Variants in ADM5 observed in about 807,000 individuals in gnomAD.
The protein encoded by ADM5 is adrenomedullin 5 (putative), also known as putative adrenomedullin-5-like protein.
ADM5 carries 1 observed loss-of-function variant against 2.9 expected under a neutral mutation model. That is an observed-to-expected ratio of 0.35 (90% CI 0.12 to 1.65). The LOEUF (loss-of-function observed/expected upper bound fraction) is 1.65. Among genes scored for constraint, ADM5 ranks in the 40% most tolerant of loss-of-function variants. The pLI is 0.36. For missense variants in ADM5, 192 were observed against 205.2 expected (o/e 0.94, Z 0.39); for synonymous variants, 90 against 91.1 (o/e 0.99, Z 0.07).
chr19:49,689,690 T>C lies in ADM5; in HGVS notation c.-148T>C. 2 of 996,086 alleles carry C rather than the reference T, an allele frequency of 2.0e-6. No individual in the cohort carries two copies. Among genetic ancestry groups the C allele is most frequent in the South Asian group, 2.9e-5 (2 of 68,740 alleles). 61.7% of individuals were successfully genotyped at this position (996,086 alleles called of 1,614,324 possible). A position where few individuals can be genotyped will look rare whatever the true frequency, so the allele number is the denominator to read the frequency against. Reference sequence around the variant, plus strand: ...TGTGGTGCGGCCTCTTCCCACAGACTTTTGGCCTCAGTGTTCCCCGCCTGG... The same window carrying C: ...TGTGGTGCGGCCTCTTCCCACAGACCTTTGGCCTCAGTGTTCCCCGCCTGG... On this transcript the variant is annotated 5_prime_UTR_variant, in exon 1 of 2. Coordinates refer to ENST00000420022, the MANE Select transcript of ADM5 (RefSeq NM_001101340.2).
chr19:49,690,166 G>T lies in ADM5; in HGVS notation c.135G>T (p.Arg45=). The part of the protein sequence containing the change: ...RGHVCYLGVC[R]THRLAEIIYW... ...ACGTCTGCTACCTGGGCGTATGCCG[G>T]ACCCACCGCCTGGCGGAGATCATAT... The change falls in exon 2 of 2, where the codon CGG becomes CGT. Residue 45 remains arginine, a synonymous_variant. Coordinates refer to ENST00000420022, the MANE Select transcript of ADM5 (RefSeq NM_001101340.2). This position sits in a 1 kb window ranked among gnomAD's most constrained non-coding sequence, Gnocchi z 4.4. 1 of 1,569,540 alleles carries T rather than the reference G, an allele frequency of 6.4e-7. No homozygotes were observed. The highest frequency in any genetic ancestry group is 8.6e-7 in the Non-Finnish European group (1 of 1,158,142).
In ADM5 at chr19:49,690,268, G is replaced by A. The variant is rs751187624; in HGVS notation, c.237G>A (p.Ala79=). 1.9e-6 allele frequency: 3 copies of A among 1,551,576 alleles called. No individual in the cohort carries two copies. Among genetic ancestry groups the A allele is most frequent in the South Asian group, 1.2e-5 (1 of 84,066 alleles). ...PRAPGPLQLW[A]PPVARGGSPA... ...CCCCAGGACCCCTACAGCTATGGGC[G>A]CCGCCGGTGGCGCGAGGCGGAAGCC... Residue 79 remains alanine, a synonymous_variant, in exon 2 of 2, where the codon GCG becomes GCA. Transcript: ENST00000420022. This position sits in a 1 kb window ranked among gnomAD's most constrained non-coding sequence, Gnocchi z 4.4.
rs1599958308 is a variant in ADM5 at position 49,689,983 on chromosome 19, G to T, written c.74+72G>T. 3.1e-6 allele frequency: 5 copies of T among 1,610,590 alleles called. No individual in the cohort carries two copies. In the East Asian group the frequency reaches 1.1e-4, roughly 36 times the overall value. On this transcript the variant is annotated intron_variant, in intron 1 of 1. Coordinates refer to ENST00000420022, the MANE Select transcript of ADM5 (RefSeq NM_001101340.2). ...AAAGGGCGAGCGCCCTCTCCCGGCC[G>T]CGGAACGGGCAGGTGATCTGTAAGC...
At position 49,689,683 on chromosome 19, in the gene ADM5, C is replaced by A; in HGVS notation, c.-155C>A. ...CCTCTGGTGTGGTGCGGCCTCTTCCCACAGACTTTTGGCCTCAGTGTTCCC... is the reference window on the plus strand; with the variant it reads ...CCTCTGGTGTGGTGCGGCCTCTTCCAACAGACTTTTGGCCTCAGTGTTCCC... On this transcript the variant is annotated 5_prime_UTR_variant, in exon 1 of 2. Coordinates refer to ENST00000420022, the MANE Select transcript of ADM5 (RefSeq NM_001101340.2). 1.1e-6 allele frequency: 1 copy of A among 936,780 alleles called. No individual in the cohort carries two copies. The highest frequency in any genetic ancestry group is 1.6e-6 in the Non-Finnish European group (1 of 610,676). 58.0% of individuals were successfully genotyped at this position (936,780 alleles called of 1,614,324 possible). A position where few individuals can be genotyped will look rare whatever the true frequency, so the allele number is the denominator to read the frequency against.
In ADM5 at chr19:49,690,514, G is replaced by A. The variant is rs74499447; in HGVS notation, c.*21G>A. On this transcript the variant is annotated 3_prime_UTR_variant, in exon 2 of 2. Transcript: ENST00000420022. The surrounding 1 kb of genome is among the most constrained non-coding windows in gnomAD (Gnocchi z 4.4). ...ACTAGGTTGGACCTAGAAGCACACG[G>A]GACCAGGCTGGGCGAAGAACACTGA... 8.4e-5 allele frequency: 123 copies of A among 1,466,238 alleles called. No individual in the cohort carries two copies. The East Asian group carries it at 3.0e-3, about 36-fold the overall frequency. The allele number at this position is 1,466,238 out of a possible 1,614,324, so 90.8% of individuals were successfully genotyped here.
rs781318186 is a variant in ADM5, at chr19:49,689,849, C to A, written c.12C>A (p.His4Gln). ...CCGCCCTGCCCACGATGACTATCCA[C>A]ATCCTCATCCTGCTGTTGCTCCTCG... MTI[H>Q]ILILLLLLAF... The change falls in exon 1 of 2, where the codon CAC (histidine) becomes CAA (glutamine). Residue 4 changes from histidine (H) to glutamine (Q), a missense_variant. Physicochemically the swap from His to Gln is conservative, Grantham distance 24. Coordinates refer to ENST00000420022, the MANE Select transcript of ADM5 (RefSeq NM_001101340.2). The A allele has an allele frequency of 6.2e-7, 1 of 1,613,998 alleles. No homozygotes were observed. The highest frequency in any genetic ancestry group is 8.5e-7 in the Non-Finnish European group (1 of 1,179,880).
In ADM5 at chr19:49,690,468, C is replaced by G. The variant is rs1347062375; in HGVS notation, c.437C>G (p.Pro146Arg). The G allele has an allele frequency of 6.6e-7, 1 of 1,523,980 alleles. No individual in the cohort carries two copies. Among genetic ancestry groups the G allele is most frequent in the East Asian group, 2.5e-5 (1 of 40,416 alleles). The allele number at this position is 1,523,980 out of a possible 1,614,324, so 94.4% of individuals were successfully genotyped here. The change falls in exon 2 of 2, where the codon CCC (proline) becomes CGC (arginine). Residue 146 changes from proline (P) to arginine (R), a missense_variant. Coordinates refer to ENST00000420022, the MANE Select transcript of ADM5 (RefSeq NM_001101340.2). The surrounding 1 kb of genome is among the most constrained non-coding windows in gnomAD (Gnocchi z 4.4). ...ACTCCAGCCCCTGAAACCGTCTTCC[C>G]CAGTCCCTCCCCGGGCTGCGACTAG... ...PLTPAPETVFPSPSPGCD is the reference protein window; with the variant it reads ...PLTPAPETVFRSPSPGCD
At position 49,690,482 on chromosome 19, in the gene ADM5, G is replaced by C. The variant is rs2082309333; in HGVS notation, c.451G>C (p.Gly151Arg). Residue 151 changes from glycine to arginine, a missense_variant, in exon 2 of 2, where the codon GGC (glycine) becomes CGC (arginine). Transcript: ENST00000420022. The surrounding 1 kb of genome is among the most constrained non-coding windows in gnomAD (Gnocchi z 4.4). ...PETVFPSPSP[G>R]CD ...AACCGTCTTCCCCAGTCCCTCCCCG[G>C]GCTGCGACTAGGTTGGACCTAGAAG... is the stretch of plus-strand genomic sequence containing the variant. 1.3e-6 allele frequency: 2 copies of C among 1,511,384 alleles called. No homozygotes were observed. Among genetic ancestry groups the C allele is most frequent in the African/African-American group, 1.4e-5 (1 of 72,178 alleles). The allele number at this position is 1,511,384 out of a possible 1,614,324, so 93.6% of individuals were successfully genotyped here.
At position 49,690,350 on chromosome 19, in the gene ADM5, C is replaced by T. The variant is rs201965670; in HGVS notation, c.319C>T (p.Arg107Cys). 3.1e-4 allele frequency: 484 copies of T among 1,551,566 alleles called. 1 individual carries two copies. The African/African-American group carries it at 5.8e-3, about 19-fold the overall frequency. Residue 107 changes from arginine (R) to cysteine (C), a missense_variant, in exon 2 of 2, where the codon CGC becomes TGC. Arg to Cys is a radical substitution (Grantham distance 180, BLOSUM62 -3). Transcript: ENST00000420022. This position sits in a 1 kb window ranked among gnomAD's most constrained non-coding sequence, Gnocchi z 4.4. ...AARGLAQCPA[R>C]WVTSGTARPL... ...GAGGGGGCTAGCGCAGTGCCCAGCTCGCTGGGTGACCTCGGGCACGGCTCG... is the reference window on the plus strand; with the variant it reads ...GAGGGGGCTAGCGCAGTGCCCAGCTTGCTGGGTGACCTCGGGCACGGCTCG...
In ADM5 at chr19:49,690,153, T is replaced by G. The variant is rs1284997402; in HGVS notation, c.122T>G (p.Leu41Arg). The G allele has an allele frequency of 2.5e-6, 4 of 1,569,884 alleles. No homozygotes were observed. Among genetic ancestry groups the G allele is most frequent in the Non-Finnish European group, 3.5e-6 (4 of 1,158,358 alleles). ...VPQHRGHVCY[L>R]GVCRTHRLAE... Reference sequence around the variant, plus strand: ...CAGCACCGCGGGCACGTCTGCTACCTGGGCGTATGCCGGACCCACCGCCTG... The same window carrying G: ...CAGCACCGCGGGCACGTCTGCTACCGGGGCGTATGCCGGACCCACCGCCTG... Residue 41 changes from leucine to arginine, a missense_variant, in exon 2 of 2, where the codon CTG (leucine) becomes CGG (arginine). Coordinates refer to ENST00000420022, the MANE Select transcript of ADM5 (RefSeq NM_001101340.2). The surrounding 1 kb of genome is among the most constrained non-coding windows in gnomAD (Gnocchi z 4.4).
At position 49,690,318 on chromosome 19, in the gene ADM5, C is replaced by T; in HGVS notation, c.287C>T (p.Pro96Leu). 6.4e-7 allele frequency: 1 copy of T among 1,551,344 alleles called. No individual in the cohort carries two copies. The highest frequency in any genetic ancestry group is 1.2e-5 in the South Asian group (1 of 84,028). Residue 96 changes from proline to leucine, a missense_variant, in exon 2 of 2, where the codon CCT becomes CTT. Pro to Leu is a moderately conservative substitution (Grantham distance 98, BLOSUM62 -3). Coordinates refer to ENST00000420022, the MANE Select transcript of ADM5 (RefSeq NM_001101340.2). The surrounding 1 kb of genome is among the most constrained non-coding windows in gnomAD (Gnocchi z 4.4). ...CCGGCTCGGTTCCCAGGATTCCGGC[C>T]TGCAGCGAGGGGGCTAGCGCAGTGC... ...GSPARFPGFR[P>L]AARGLAQCPA...
chr19:49,689,906 A>G lies in ADM5; in HGVS notation c.69A>G (p.Ala23=), dbSNP rs201107314. The change falls in exon 1 of 2, where the codon GCA becomes GCG. Residue 23 remains alanine, a synonymous_variant. Coordinates refer to ENST00000420022, the MANE Select transcript of ADM5 (RefSeq NM_001101340.2). ...CCGCCCAAGGGGACCTGGACACTGCAGCCAGGTGAGAAACCCGGGTGGCAG... is the reference window on the plus strand; with the variant it reads ...CCGCCCAAGGGGACCTGGACACTGCGGCCAGGTGAGAAACCCGGGTGGCAG... ...AFSAQGDLDT[A]ARRGQHQVPQ... is the part of the protein sequence containing the mutation. 0.011 allele frequency: 17,269 copies of G among 1,613,952 alleles called. 177 individuals are homozygous for G. The highest frequency in any genetic ancestry group is 0.04 in the South Asian group (3,600 of 91,086).
chr19:49,690,403 C>G lies in ADM5; in HGVS notation c.372C>G (p.Ile124Met), dbSNP rs942692528. 2.6e-6 allele frequency: 4 copies of G among 1,551,532 alleles called. No individual in the cohort carries two copies. Among genetic ancestry groups the G allele is most frequent in the Non-Finnish European group, 3.5e-6 (4 of 1,146,882 alleles). The part of the protein sequence containing the change: ...ARPLLGFSLP[I>M]CMLELLLHIS... ...CCCTCCTCGGCTTCAGTTTGCCTAT[C>G]TGTATGTTGGAGCTTCTACTCCACA... Residue 124 changes from isoleucine (I) to methionine (M), a missense_variant, in exon 2 of 2, where the codon ATC becomes ATG. Physicochemically the swap from Ile to Met is conservative, Grantham distance 10. Transcript: ENST00000420022. The surrounding 1 kb of genome is among the most constrained non-coding windows in gnomAD (Gnocchi z 4.4).
chr19:49,690,057 ATC>A lies in ADM5; in HGVS notation c.75-44_75-43del, dbSNP rs2082295165. 1.9e-6 allele frequency: 3 copies of A among 1,557,834 alleles called. No homozygotes were observed. Among genetic ancestry groups the A allele is most frequent in the Non-Finnish European group, 2.6e-6 (3 of 1,149,664 alleles). ...TGGGTGCCCACCTCCATCACGCTCC[ATC>A]TCTCAATTCGGTTTGAACCCGGTTT... is the stretch of plus-strand genomic sequence containing the variant. On this transcript the variant is annotated intron_variant, in intron 1 of 1. Coordinates refer to ENST00000420022, the MANE Select transcript of ADM5 (RefSeq NM_001101340.2). This position sits in a 1 kb window ranked among gnomAD's most constrained non-coding sequence, Gnocchi z 4.4.
In ADM5 at chr19:49,690,107, C is replaced by T. The variant is rs76092430; in HGVS notation, c.76C>T (p.Arg26Ter). Reference sequence around the variant, plus strand: ...TTTTCTCCCACGCTCCCTCTCCAGGCGAGGCCAGCACCAGGTCCCCCAGCA... The same window carrying T: ...TTTTCTCCCACGCTCCCTCTCCAGGTGAGGCCAGCACCAGGTCCCCCAGCA... ...AQGDLDTAARRGQHQVPQHRG... is the reference protein window; with the variant it reads ...AQGDLDTAAR Residue 26 changes from arginine to a stop codon, truncating the protein, a stop_gained and splice_region_variant, in exon 2 of 2, where the codon CGA becomes TGA. Transcript: ENST00000420022. LOFTEE classifies it low-confidence loss of function (END_TRUNC). This position sits in a 1 kb window ranked among gnomAD's most constrained non-coding sequence, Gnocchi z 4.4. 1 of 1,554,892 alleles carries T rather than the reference C, an allele frequency of 6.4e-7. No individual in the cohort carries two copies. The highest frequency in any genetic ancestry group is 8.7e-7 in the Non-Finnish European group (1 of 1,148,858).
Position 49,689,852 on chromosome 19 carries a change from C to T in ADM5, c.15C>T (p.Ile5=). The change falls in exon 1 of 2, where the codon ATC becomes ATT. Residue 5 remains isoleucine (I), a synonymous_variant. Transcript: ENST00000420022. ...CCCTGCCCACGATGACTATCCACAT[C>T]CTCATCCTGCTGTTGCTCCTCGCCT... MTIH[I]LILLLLLAFS... The T allele has an allele frequency of 1.2e-6, 2 of 1,613,974 alleles. No homozygotes were observed. Among genetic ancestry groups the T allele is most frequent in the Non-Finnish European group, 8.5e-7 (1 of 1,179,880 alleles).
chr19:49,690,113 C>T lies in ADM5; in HGVS notation c.82C>T (p.Gln28Ter). 1 of 1,558,040 alleles carries T rather than the reference C, an allele frequency of 6.4e-7. No homozygotes were observed. The highest frequency in any genetic ancestry group is 8.7e-7 in the Non-Finnish European group (1 of 1,150,686). Residue 28 changes from glutamine (Q) to a stop codon, truncating the protein, a stop_gained, in exon 2 of 2, where the codon CAG becomes TAG. Transcript: ENST00000420022. LOFTEE classifies it low-confidence loss of function (END_TRUNC). This position sits in a 1 kb window ranked among gnomAD's most constrained non-coding sequence, Gnocchi z 4.4. Reference protein sequence around the residue: ...GDLDTAARRGQHQVPQHRGHV... With the variant: ...GDLDTAARRG ...CCCACGCTCCCTCTCCAGGCGAGGC[C>T]AGCACCAGGTCCCCCAGCACCGCGG...
Position 49,690,366 on chromosome 19 carries a change from G to GC in ADM5, c.336dup (p.Thr113HisfsTer30). On this transcript the variant is annotated frameshift_variant, in exon 2 of 2. Transcript: ENST00000420022. LOFTEE classifies it low-confidence loss of function (END_TRUNC). The surrounding 1 kb of genome is among the most constrained non-coding windows in gnomAD (Gnocchi z 4.4). ...TGCCCAGCTCGCTGGGTGACCTCGG[G>GC]CACGGCTCGTCCCCTCCTCGGCTTC... The GC allele has an allele frequency of 6.4e-7, 1 of 1,551,602 alleles. No individual in the cohort carries two copies. The highest frequency in any genetic ancestry group is 8.7e-7 in the Non-Finnish European group (1 of 1,146,898).
At position 49,689,617 on chromosome 19, in the gene ADM5, G is replaced by A; in HGVS notation, c.-221G>A. Reference sequence around the variant, plus strand: ...CCACACACCCAGTGAGGTCTCTGGAGCCGCGGTGCGGGAAGCGGGGACCCG... The same window carrying A: ...CCACACACCCAGTGAGGTCTCTGGAACCGCGGTGCGGGAAGCGGGGACCCG... On this transcript the variant is annotated 5_prime_UTR_variant, in exon 1 of 2. Transcript: ENST00000420022. The A allele has an allele frequency of 6.5e-6, 4 of 611,876 alleles. No individual in the cohort carries two copies. The highest frequency in any genetic ancestry group is 8.7e-6 in the Non-Finnish European group (3 of 345,728). The allele number at this position is 611,876 out of a possible 1,614,324, so 37.9% of individuals were successfully genotyped here. A position where few individuals can be genotyped will look rare whatever the true frequency, so the allele number is the denominator to read the frequency against.
Sources: allele counts gnomAD v4.1 joint callset, GRCh38; gene constraint gnomAD v4.1.1; non-coding constraint Gnocchi (gnomAD v3.1); transcripts MANE v1.5; gene names NCBI Gene and HGNC (gene_info 2026-07-23, HGNC 2026-07-21).